Variants in MAPK4 observed in about 807,000 individuals in gnomAD.
MAPK4 encodes Erk3-related.
A neutral mutation model predicts 47.7 loss-of-function variants in MAPK4; 22 were observed. That is an observed-to-expected ratio of 0.46 (90% CI 0.33 to 0.66). The LOEUF is 0.66. Ranked by LOEUF, MAPK4 falls within the 30% of genes least tolerant of loss-of-function variation. The pLI, the probability that MAPK4 is intolerant of heterozygous loss-of-function variation, is 0.02. For synonymous variants in MAPK4, 390 were observed against 365.7 expected, an observed-to-expected ratio of 1.07 and a Z score of -0.76; for missense variants, 736 against 831.7, an observed-to-expected ratio of 0.88 and a Z score of 1.42.
intron 5 of MAPK4, among the ~76,000 whole-genome samples, chr18:50,726,448 C>T (rs1320478490): frequency 6.6e-6 from 1 of 152,142 alleles, no homozygotes; most frequent in African/African-American, 2.4e-5. Flanking sequence ...ATACAGTGCT[C>T]CGCAAGGATT....
intron 1 of MAPK4, among the ~76,000 whole-genome samples, chr18:50,661,836 C>T (rs1000588461): frequency 2.6e-5 from 4 of 152,192 alleles, no homozygotes; most frequent in Middle Eastern, 3.4e-3. Context: ...ACAGAATTAC[C>T]GAAGATCTGA....
chr18:50,565,151 A>G (rs1279734002), intron 1 of MAPK4, among the ~76,000 whole-genome samples: 1 of 152,242 alleles, frequency 6.6e-6, no homozygotes, highest in African/African-American at 2.4e-5. Flanking sequence ...TTCTCAAAGT[A>G]TTGACTTAAA....
chr18:50,635,293 G>A (rs1011588807), intron 1 of MAPK4, among the ~76,000 whole-genome samples: 3 of 152,040 alleles, frequency 2.0e-5, no homozygotes, highest in Admixed American at 6.5e-5. Context: ...CTAGTAGTAT[G>A]AGCCAGAAAT....
chr18:50,589,426 C>A (rs1166752275), intron 1 of MAPK4, among the ~76,000 whole-genome samples: 1 of 152,166 alleles, frequency 6.6e-6, no homozygotes. Context: ...GAAACCCCGT[C>A]TCTACTAAAA....
At chr18:50,682,368 G>A (rs1024077534) in intron 2 of MAPK4, among the ~76,000 whole-genome samples, 18 of 152,094 alleles carry the variant, frequency 1.2e-4, no homozygotes, top group African/African-American at 2.7e-4. Context: ...GAATTCTACC[G>A]CTATTTAGGA....
At chr18:50,634,245 C>T (rs1006515704) in intron 1 of MAPK4, among the ~76,000 whole-genome samples, 1 of 151,666 alleles carries the variant, frequency 6.6e-6, no homozygotes, top group Non-Finnish European at 1.5e-5. Context: ...ACCTGGTGTG[C>T]ATTAATTCAA....
At chr18:50,563,744 C>A (rs1411280598) in intron 1 of MAPK4, among the ~76,000 whole-genome samples, 1 of 152,150 alleles carries the variant, frequency 6.6e-6, no homozygotes, top group Admixed American at 6.5e-5. Context: ...CCCATTTCGT[C>A]ACTCCTTCCT....
Position 50,664,265 on chromosome 18 carries a change from A to G in MAPK4, c.307A>G (p.Ile103Val). The G allele has an allele frequency of 3.1e-6, 5 of 1,613,792 alleles. No individual in the cohort carries two copies. The highest frequency in any genetic ancestry group is 3.4e-6 in the Non-Finnish European group (4 of 1,179,912). Residue 103 changes from isoleucine (I) to valine (V), a missense_variant, in exon 2 of 6, where the codon ATC becomes GTC. Physicochemically the swap from Ile to Val is conservative, Grantham distance 29 (BLOSUM62 3). Coordinates refer to ENST00000400384, the MANE Select transcript of MAPK4 (RefSeq NM_002747.4). This position sits in a 1 kb window ranked among gnomAD's most constrained non-coding sequence, Gnocchi z 6.0. ...GCTGTTCAAGTTCAGCGTGGCGTACATCGTCCAGGAGTACATGGAGACCGA... is the reference window on the plus strand; with the variant it reads ...GCTGTTCAAGTTCAGCGTGGCGTACGTCGTCCAGGAGTACATGGAGACCGA... ...GELFKFSVAYIVQEYMETDLA... is the reference protein window; with the variant it reads ...GELFKFSVAYVVQEYMETDLA...
At chr18:50,571,091 G>A (rs2042246163) in intron 1 of MAPK4, among the ~76,000 whole-genome samples, 1 of 152,204 alleles carries the variant, frequency 6.6e-6, no homozygotes, top group Non-Finnish European at 1.5e-5. Flanking sequence ...GAAGGGAGGT[G>A]TGGGTGTGCC....
chr18:50,583,005 A>G (rs942720813), intron 1 of MAPK4, among the ~76,000 whole-genome samples: 1 of 152,220 alleles, frequency 6.6e-6, no homozygotes, highest in African/African-American at 2.4e-5. Flanking sequence ...AGAGCATGTC[A>G]CAGCTCTTTT....
chr18:50,578,201 G>A lies in MAPK4; in HGVS notation c.-871+17958G>A, dbSNP rs144784884. Among the ~76,000 whole-genome samples, 418 of 152,276 alleles carry A rather than the reference G, an allele frequency of 2.7e-3. 2 individuals are homozygous for A. The highest frequency in any genetic ancestry group is 9.4e-3 in the African/African-American group (390 of 41,554). ...GGTGAATGCAGCTGTTTTAAACTGC[G>A]AGCGCTCAGCTATCCTGGAAAAGGG... On this transcript the variant is annotated intron_variant, in intron 1 of 5. Coordinates refer to ENST00000400384, the MANE Select transcript of MAPK4 (RefSeq NM_002747.4).
chr18:50,729,593 G>GGGCGGCCCAGAGCACGCCA lies in MAPK4; in HGVS notation c.1505_1523dup (p.Ser508ArgfsTer59), dbSNP rs1162358876. The GGGCGGCCCAGAGCACGCCA allele has an allele frequency of 8.6e-6, 12 of 1,396,062 alleles. No individual in the cohort carries two copies. The highest frequency in any genetic ancestry group is 1.5e-5 in the African/African-American group (1 of 65,502). The allele number at this position is 1,396,062 out of a possible 1,614,324, so 86.5% of individuals were successfully genotyped here. The stretch of plus-strand genomic sequence containing the variant: ...TCGCGCAGTGGGTCAAGAGCACGCA[G>GGGCGGCCCAGAGCACGCCA]GGCGGCCCAGAGCACGCCAGCCCGC... On this transcript the variant is annotated frameshift_variant, in exon 6 of 6. Transcript: ENST00000400384. LOFTEE classifies it high-confidence loss of function.
intron 1 of MAPK4, among the ~76,000 whole-genome samples, chr18:50,585,592 A>G (rs994237497): frequency 1.3e-5 from 2 of 152,154 alleles, no homozygotes; most frequent in African/African-American, 4.8e-5. Context: ...TCTAATTCAG[A>G]CTGTGCCCTG....
chr18:50,582,581 A>C (rs1447657366), intron 1 of MAPK4, among the ~76,000 whole-genome samples: 1 of 152,256 alleles, frequency 6.6e-6, no homozygotes, highest in African/African-American at 2.4e-5. Context: ...ATTCTGTTAT[A>C]GAATTCCTTT....
At chr18:50,652,990 T>C (rs144817472) in intron 1 of MAPK4, among the ~76,000 whole-genome samples, 1 of 152,082 alleles carries the variant, frequency 6.6e-6, no homozygotes. Flanking sequence ...GAGACCAGCC[T>C]GGGTAACATG....
At chr18:50,708,746 G>A (rs528356345) in intron 2 of MAPK4, among the ~76,000 whole-genome samples, 1 of 152,236 alleles carries the variant, frequency 6.6e-6, no homozygotes, top group Admixed American at 6.5e-5. Flanking sequence ...CGAGGCAGTG[G>A]AGCCCTCTAT....
chr18:50,568,760 T>G (rs2042224552), intron 1 of MAPK4, among the ~76,000 whole-genome samples: 1 of 152,210 alleles, frequency 6.6e-6, no homozygotes, highest in African/African-American at 2.4e-5. Flanking sequence ...TTTTAATCTC[T>G]CCAAGATACA....
chr18:50,659,009 T>G (rs1474767983), intron 1 of MAPK4, among the ~76,000 whole-genome samples: 3 of 152,248 alleles, frequency 2.0e-5, no homozygotes, highest in Admixed American at 6.5e-5. Flanking sequence ...AAATAAAGTT[T>G]TACTGAAATG....
chr18:50,715,217 T>A lies in MAPK4; in HGVS notation c.685T>A (p.Phe229Ile). ...TGAGATGCTTACGGGGAGAATGCTC[T>A]TTGCTGGTGAGTTGCTAACTATGCC... The part of the protein sequence containing the change: ...LAEMLTGRML[F>I]AGAHELEQMQ... The change falls in exon 3 of 6, where the codon TTT (phenylalanine) becomes ATT (isoleucine). Residue 229 changes from phenylalanine (F) to isoleucine (I), a missense_variant. By Grantham distance (21) the Phe-to-Ile change is conservative (BLOSUM62 0). Transcript: ENST00000400384. 1 of 1,613,558 alleles carries A rather than the reference T, an allele frequency of 6.2e-7. No homozygotes were observed. The highest frequency in any genetic ancestry group is 8.5e-7 in the Non-Finnish European group (1 of 1,179,838).
Sources: gnomAD v4.1 joint callset for allele counts (sites outside exome capture counted in the v4.1 genomes callset) on GRCh38, gnomAD v4.1.1 for gene constraint, Gnocchi (gnomAD v3.1) non-coding constraint, MANE v1.5 for transcripts, NCBI Gene and HGNC (gene_info 2026-07-23, HGNC 2026-07-21) for gene names.